PCDH11X: variants seen among roughly 807,000 people sequenced by gnomAD.
PCDH11X encodes protocadherin 11 X-linked, also known as protocadherin-11 X-linked.
PCDH11X carries 18 observed loss-of-function variants against 53.3 expected under a neutral mutation model. The observed-to-expected ratio is 0.34, with a 90% CI of 0.23 to 0.50. The LOEUF (loss-of-function observed/expected upper bound fraction) is 0.50. Among genes scored for constraint, PCDH11X ranks in the 20% least tolerant of loss-of-function variants. PCDH11X has a pLI of 0.98. For missense variants in PCDH11X, 570 were observed against 1,032.4 expected (o/e 0.55, Z 6.14); for synonymous variants, 279 against 393.3 (o/e 0.71, Z 3.44).
chrX:91,852,316 A>G (rs1333910991), intron 5 of PCDH11X, among the ~76,000 whole-genome samples: 1 of 109,980 alleles, frequency 9.1e-6, no homozygotes, highest in Non-Finnish European at 1.9e-5. Context: ...TGCCCAGCCC[A>G]AAATTAGGTA....
intron 6 of PCDH11X, among the ~76,000 whole-genome samples, chrX:91,996,140 CTTTTTTTTTT>C (rs753881311): frequency 1.5e-5 from 1 of 66,604 alleles, no homozygotes; most frequent in Non-Finnish European, 2.8e-5. Flanking sequence ...CACGCCTGGC[CTTTTTTTTTT>C]TTTTTTTTTT....
chrX:92,572,956 A>C (rs1922381226), intron 10 of PCDH11X, among the ~76,000 whole-genome samples: 1 of 110,533 alleles, frequency 9.0e-6, no homozygotes, highest in Admixed American at 9.7e-5. Context: ...ATTATTTTTC[A>C]GAAAAGATCT....
chrX:92,617,658 A>T (rs1193712479), intron 10 of PCDH11X, among the ~76,000 whole-genome samples: 1 of 111,088 alleles, frequency 9.0e-6, no homozygotes, highest in Non-Finnish European at 1.9e-5. Context: ...ATTATAGTTT[A>T]CAGCTAAATA....
chrX:92,276,011 G>A (rs1000340037), intron 8 of PCDH11X, among the ~76,000 whole-genome samples: 4 of 110,518 alleles, frequency 3.6e-5, no homozygotes, highest in African/African-American at 9.9e-5. Context: ...AGTCAGGGAA[G>A]CAGATAATTT....
intron 6 of PCDH11X, among the ~76,000 whole-genome samples, chrX:91,920,603 A>G (rs1262836808): frequency 9.0e-6 from 1 of 111,295 alleles, no homozygotes; most frequent in Non-Finnish European, 1.9e-5. Context: ...GCTCACCAAA[A>G]TCAAGAATTG....
intron 6 of PCDH11X, among the ~76,000 whole-genome samples, chrX:92,187,378 A>G (rs976110988): frequency 2.7e-5 from 3 of 111,827 alleles, no homozygotes; most frequent in Non-Finnish European, 3.8e-5. Flanking sequence ...ATAACTCAGA[A>G]TTATCTTGCG....
intron 6 of PCDH11X, among the ~76,000 whole-genome samples, chrX:91,966,976 ACCCCCAC>A (rs1294513307): frequency 6.8e-4 from 62 of 90,566 alleles, no homozygotes; most frequent in Non-Finnish European, 1.3e-3. Context: ...CTTCTCCTCA[ACCCCCAC>A]CCCCCACCCC....
Position 92,621,249 on chromosome X carries a change from G to A in PCDH11X, c.*2309G>A, listed in dbSNP as rs1387048687. The A allele has an allele frequency of 1.9e-5, 2 of 105,118 alleles. No individual in the cohort carries two copies. The highest frequency in any genetic ancestry group is 5.9e-4 in the East Asian group (2 of 3,404). 8.7% of individuals were successfully genotyped at this position (105,118 alleles called of 1,213,427 possible). A position where few individuals can be genotyped will look rare whatever the true frequency, so the allele number is the denominator to read the frequency against. On this transcript the variant is annotated 3_prime_UTR_variant, in exon 11 of 11. Coordinates refer to ENST00000682573, the MANE Select transcript of PCDH11X (RefSeq NM_032968.5). ...CTCAATGGTTACTATCTATGTTAGT[G>A]AAAATCAAATAGGACTCAAAGTTGG... is the stretch of plus-strand genomic sequence containing the variant.
intron 9 of PCDH11X, among the ~76,000 whole-genome samples, chrX:92,433,422 G>A (rs1367178060): frequency 9.1e-6 from 1 of 110,185 alleles, no homozygotes; most frequent in Non-Finnish European, 1.9e-5. Flanking sequence ...TCACAGTGTG[G>A]ATCACTCACC....
At chrX:92,334,556 A>G (rs2069570475) in intron 8 of PCDH11X, among the ~76,000 whole-genome samples, 2 of 111,369 alleles carry the variant, frequency 1.8e-5, no homozygotes, top group African/African-American at 6.5e-5. Context: ...TAAACCTTCA[A>G]TAACACCATG....
chrX:92,577,169 G>T, intron 10 of PCDH11X, among the ~76,000 whole-genome samples: 1 of 110,110 alleles, frequency 9.1e-6, no homozygotes, highest in Non-Finnish European at 1.9e-5. Context: ...AAATCCATCT[G>T]CTCCTAGACT....
intron 10 of PCDH11X, among the ~76,000 whole-genome samples, chrX:92,561,637 A>C (rs1208609401): frequency 2.7e-5 from 3 of 109,840 alleles, no homozygotes; most frequent in African/African-American, 6.6e-5. Context: ...AAAACAAAGA[A>C]GCATCACTAC....
chrX:91,784,929 T>C (rs1007045865), intron 1 of PCDH11X, among the ~76,000 whole-genome samples: 1 of 111,253 alleles, frequency 9.0e-6, no homozygotes, highest in Non-Finnish European at 1.9e-5. Context: ...CAAGGTTTCT[T>C]CCTTTCTGTG....
At position 91,884,170 on chromosome X, in the gene PCDH11X, G is replaced by A. The variant is rs1392502594; in HGVS notation, c.3033+4897G>A. ...CGTGCCGTTGCACTCCAGCGTGGGT[G>A]ACAAAGCAAGACTCCGTCTCAAAAA... On this transcript the variant is annotated intron_variant, in intron 6 of 10. Transcript: ENST00000682573. 7.7e-5 allele frequency among the ~76,000 whole-genome samples: 5 copies of A among 65,089 alleles called. No homozygotes were observed. The Admixed American group carries it at 1.2e-3, about 16-fold the overall frequency. The allele number at this position is 65,089 out of a possible 115,157, so 56.5% of individuals were successfully genotyped here.
At chrX:92,527,865 T>C (rs1445110918) in intron 10 of PCDH11X, among the ~76,000 whole-genome samples, 2 of 111,952 alleles carry the variant, frequency 1.8e-5, no homozygotes, top group Non-Finnish European at 3.8e-5. Context: ...TTTCTTCATT[T>C]CAAGCAGTAA....
At position 91,836,145 on chromosome X, in the gene PCDH11X, CA is replaced by C. The variant is rs745985096; in HGVS notation, c.540+103del. On this transcript the variant is annotated intron_variant, in intron 5 of 10. Transcript: ENST00000682573. The stretch of plus-strand genomic sequence containing the variant: ...TCAAATTTTGAGTAAGCCATCACCC[CA>C]ATTTTTCAAAATTTATGTAATTTAA... The C allele has an allele frequency of 6.7e-4, 638 of 948,852 alleles. 4 individuals are homozygous for C. In the African/African-American group the frequency reaches 0.012, roughly 18 times the overall value. 78.2% of individuals were successfully genotyped at this position (948,852 alleles called of 1,213,427 possible).
At position 92,621,596 on chromosome X, in the gene PCDH11X, A is replaced by G. The variant is rs985825625; in HGVS notation, c.*2656A>G. 9.0e-6 allele frequency: 1 copy of G among 110,943 alleles called. No individual in the cohort carries two copies. The highest frequency in any genetic ancestry group is 1.9e-5 in the Non-Finnish European group (1 of 52,987). The allele number at this position is 110,943 out of a possible 1,213,427, so 9.1% of individuals were successfully genotyped here. On this transcript the variant is annotated 3_prime_UTR_variant, in exon 11 of 11. Coordinates refer to ENST00000682573, the MANE Select transcript of PCDH11X (RefSeq NM_032968.5). The stretch of plus-strand genomic sequence containing the variant: ...GCCTTCCTTCTCTTTCTAAGCGTCC[A>G]CTAGGTCTGGCCTTGGAAACCTGTT...
In PCDH11X at chrX:92,205,322, A is replaced by T. The variant is rs988462705; in HGVS notation, c.3114+3867A>T. On this transcript the variant is annotated intron_variant, in intron 7 of 10. Coordinates refer to ENST00000682573, the MANE Select transcript of PCDH11X (RefSeq NM_032968.5). ...TTGGTGAGAATGTAGAATACAAAGC[A>T]AACATAATATAATAATCCCACCTAC... Among the ~76,000 whole-genome samples, 4 of 112,066 alleles carry T rather than the reference A, an allele frequency of 3.6e-5. No individual in the cohort carries two copies. The East Asian group carries it at 1.1e-3, about 32-fold the overall frequency.
chrX:91,895,323 G>A (rs1262592585), intron 6 of PCDH11X, among the ~76,000 whole-genome samples: 2 of 111,252 alleles, frequency 1.8e-5, no homozygotes, highest in Non-Finnish European at 3.8e-5. Context: ...AGTTTGTGTA[G>A]CTAAAGCTAT....
Sources: allele counts gnomAD v4.1 joint callset (sites outside exome capture counted in the v4.1 genomes callset), GRCh38; gene constraint gnomAD v4.1.1; transcripts MANE v1.5; gene names NCBI Gene and HGNC (gene_info 2026-07-23, HGNC 2026-07-21).